Variants in POPDC2 observed in about 807,000 individuals in gnomAD.
POPDC2 encodes the protein popeye domain-containing protein 2.
A neutral mutation model predicts 30.5 loss-of-function variants in POPDC2; 24 were observed. The ratio of observed to expected loss-of-function variants is 0.79; its 90% CI spans 0.57 to 1.11. The LOEUF (loss-of-function observed/expected upper bound fraction) is 1.11, where lower values mean the gene tolerates loss of function less well. Ranked by LOEUF, POPDC2 falls within the 50% of genes least tolerant of loss-of-function variation. POPDC2 has a pLI of 0.00. For synonymous variants in POPDC2, 185 were observed against 183.3 expected (o/e 1.01, Z -0.07); for missense variants, 409 against 447.0 (o/e 0.91, Z 0.77).
In POPDC2 at chr3:119,643,736, T is replaced by A. The variant is rs2052715312; in HGVS notation, c.*44-1175A>T. ...GTTAGAAGTTACCCTGACACAATAA[T>A]CCAAGGCATCCTTTTCCCAGAGCAT... On this transcript the variant is annotated intron_variant, in intron 3 of 3. Coordinates refer to ENST00000493094, the MANE Select transcript of POPDC2 (RefSeq NM_001369919.2). 2.0e-5 allele frequency among the ~76,000 whole-genome samples: 3 copies of A among 152,224 alleles called. No homozygotes were observed. The South Asian group carries it at 6.2e-4, about 32-fold the overall frequency.
intron 3 of POPDC2, among the ~76,000 whole-genome samples, chr3:119,646,955 G>A (rs1043517203): frequency 1.3e-5 from 2 of 152,182 alleles, no homozygotes; most frequent in Admixed American, 1.3e-4. Flanking sequence ...TCAACAAAGT[G>A]ATCTGGGGTG....
chr3:119,660,387 A>G lies in POPDC2; in HGVS notation c.37T>C (p.Leu13=). The change falls in exon 1 of 4, where the codon TTG becomes CTG. Residue 13 remains leucine (L), a synonymous_variant. Transcript: ENST00000493094. ...ANSSRVGQLL[L]QGSACIRWKQ... ...CACCTAATGCACGCTGAACCCTGCA[A>G]GAGAAGCTGGCCCACTCTGCTGCTG... 6.2e-7 allele frequency: 1 copy of G among 1,613,776 alleles called. No individual in the cohort carries two copies. The highest frequency in any genetic ancestry group is 8.5e-7 in the Non-Finnish European group (1 of 1,179,770).
At chr3:119,659,189 G>A (rs1484750017) in intron 1 of POPDC2, among the ~76,000 whole-genome samples, 1 of 152,228 alleles carries the variant, frequency 6.6e-6, no homozygotes, top group Non-Finnish European at 1.5e-5. Flanking sequence ...ATATCTGACT[G>A]TCAGCCTTCT....
rs1206654465 is a variant in POPDC2, at chr3:119,653,257, T to C, written c.600+1248A>G. On this transcript the variant is annotated intron_variant, in intron 2 of 3. Coordinates refer to ENST00000493094, the MANE Select transcript of POPDC2 (RefSeq NM_001369919.2). ...TAATAATCATATTCAACCCATAGAG[T>C]TGTTATGAGAATCAATGAGGCAATA... Among the ~76,000 whole-genome samples, 5 of 152,178 alleles carry C rather than the reference T, an allele frequency of 3.3e-5. No homozygotes were observed. In the South Asian group the frequency reaches 6.2e-4, roughly 19 times the overall value.
chr3:119,656,643 G>T (rs762870421), intron 1 of POPDC2, among the ~76,000 whole-genome samples: 2 of 152,190 alleles, frequency 1.3e-5, no homozygotes, highest in Non-Finnish European at 2.9e-5. Flanking sequence ...TCTGGAAGAA[G>T]ATTAGAATCC....
intron 3 of POPDC2, 127 bp downstream of exon 3, chr3:119,647,992 G>T (rs2052763471): frequency 2.8e-6 from 2 of 720,408 alleles, no homozygotes; most frequent in Non-Finnish European, 4.3e-6. Flanking sequence ...TTCAAAGTTG[G>T]GTTAATGCCA....
At chr3:119,654,782 T>C in intron 1 of POPDC2, 169 bp from the exon 2 acceptor site, 1 of 591,520 alleles carries the variant, frequency 1.7e-6, no homozygotes, top group Admixed American at 3.0e-5. Flanking sequence ...TGCATGCAAG[T>C]AGTTCAGAAA....
intron 1 of POPDC2, among the ~76,000 whole-genome samples, chr3:119,658,916 C>CTTTTTTT (rs35687726): frequency 1.4e-5 from 2 of 139,656 alleles, no homozygotes; most frequent in African/African-American, 2.7e-5. Flanking sequence ...TCTGGATTTG[C>CTTTTTTT]TTTTTTTTTT....
chr3:119,645,895 T>C (rs937043699), intron 3 of POPDC2, among the ~76,000 whole-genome samples: 1 of 152,314 alleles, frequency 6.6e-6, no homozygotes, highest in African/African-American at 2.4e-5. Context: ...GGACAGCTGG[T>C]CCAACACGCT....
At chr3:119,645,838 G>T (rs2052740739) in intron 3 of POPDC2, among the ~76,000 whole-genome samples, 1 of 152,184 alleles carries the variant, frequency 6.6e-6, no homozygotes, top group Non-Finnish European at 1.5e-5. Flanking sequence ...TTCTTCCTTT[G>T]AAAAACTTAT....
chr3:119,654,736 G>A (rs373306135), intron 1 of POPDC2, 123 bp from the exon 2 acceptor site: 2 of 712,608 alleles, frequency 2.8e-6, no homozygotes, highest in East Asian at 2.7e-5. Context: ...CCTAAAGCAT[G>A]GTAAAACCCA....
In POPDC2 at chr3:119,658,531, C is replaced by T. The variant is rs558596376; in HGVS notation, c.491+1402G>A. Among the ~76,000 whole-genome samples, 15 of 152,318 alleles carry T rather than the reference C, an allele frequency of 9.8e-5. No homozygotes were observed. In the South Asian group the frequency reaches 2.3e-3, roughly 23 times the overall value. On this transcript the variant is annotated intron_variant, in intron 1 of 3. Coordinates refer to ENST00000493094, the MANE Select transcript of POPDC2 (RefSeq NM_001369919.2). ...CTCTCAATTTCCTCCTTTGAACAGA[C>T]GAGCTATAACATCATGGGTCTCATG...
At chr3:119,642,668 G>A (rs2052703169) in intron 3 of POPDC2, 107 bp from the exon 4 acceptor site, 2 of 702,844 alleles carry the variant, frequency 2.8e-6, no homozygotes, top group Admixed American at 2.5e-5. Flanking sequence ...AATTCCCAAT[G>A]TTTTAACTGT....
chr3:119,653,405 TG>T (rs2052838787), intron 2 of POPDC2, among the ~76,000 whole-genome samples: 1 of 151,540 alleles, frequency 6.6e-6, no homozygotes, highest in Non-Finnish European at 1.5e-5. Context: ...GAACCTGCAT[TG>T]GAGCATGTAT....
intron 3 of POPDC2, among the ~76,000 whole-genome samples, chr3:119,647,853 A>G (rs1332290131): frequency 6.6e-6 from 1 of 152,210 alleles, no homozygotes; most frequent in Non-Finnish European, 1.5e-5. Context: ...TAAACTTGCA[A>G]AAAAACAGCA....
intron 2 of POPDC2, 77 bp downstream of exon 2, chr3:119,654,428 G>C: frequency 1.0e-6 from 1 of 985,842 alleles, no homozygotes; most frequent in East Asian, 2.4e-5. Context: ...ATGTAAGAGG[G>C]GAAACATGGA....
chr3:119,657,643 T>C (rs1430431509), intron 1 of POPDC2, among the ~76,000 whole-genome samples: 1 of 152,206 alleles, frequency 6.6e-6, no homozygotes, highest in East Asian at 1.9e-4. Flanking sequence ...CTGCAGCATA[T>C]GTCAGCTCCT....
chr3:119,651,077 A>C (rs1305558280), intron 2 of POPDC2, among the ~76,000 whole-genome samples: 1 of 152,116 alleles, frequency 6.6e-6, no homozygotes, highest in Non-Finnish European at 1.5e-5. Flanking sequence ...ATGGCCCTAC[A>C]TGATCTTGCT....
intron 2 of POPDC2, among the ~76,000 whole-genome samples, chr3:119,650,462 A>G (rs926749194): frequency 6.6e-6 from 1 of 152,184 alleles, no homozygotes; most frequent in Non-Finnish European, 1.5e-5. Context: ...GTTCCTGTTA[A>G]GGTCACCAAT....
Sources: allele counts gnomAD v4.1 joint callset (sites outside exome capture counted in the v4.1 genomes callset), GRCh38; gene constraint gnomAD v4.1.1; transcripts MANE v1.5; gene names NCBI Gene and HGNC (gene_info 2026-07-23, HGNC 2026-07-21).